EBF1: variants seen among roughly 807,000 people sequenced by gnomAD.
EBF1 encodes EBF transcription factor 1, also known as transcription factor COE1.
EBF1 carries 10 observed loss-of-function variants against 68.4 expected under a neutral mutation model. The ratio of observed to expected loss-of-function variants is 0.15; its 90% CI spans 0.09 to 0.25. The LOEUF (loss-of-function observed/expected upper bound fraction) is 0.25. Ranked by LOEUF, EBF1 falls within the 10% of genes least tolerant of loss-of-function variation. The pLI, the probability that EBF1 is intolerant of heterozygous loss-of-function variation, is 1.00. For missense variants in EBF1, 509 were observed against 794.4 expected (o/e 0.64, Z 4.32); for synonymous variants, 298 against 299.8 (o/e 0.99, Z 0.06).
At chr5:158,921,339 C>T (rs1318364317) in intron 6 of EBF1, among the ~76,000 whole-genome samples, 1 of 152,142 alleles carries the variant, frequency 6.6e-6, no homozygotes, top group Admixed American at 6.5e-5. Context: ...TAATACACTG[C>T]CTTAATAGCT....
At chr5:158,814,956 A>G (rs1050065779) in intron 8 of EBF1, among the ~76,000 whole-genome samples, 1 of 152,216 alleles carries the variant, frequency 6.6e-6, no homozygotes, top group African/African-American at 2.4e-5. Flanking sequence ...CCCATTTTTT[A>G]AAAAGATATG....
At chr5:158,921,245 C>T (rs1456362893) in intron 6 of EBF1, among the ~76,000 whole-genome samples, 1 of 152,208 alleles carries the variant, frequency 6.6e-6, no homozygotes, top group Non-Finnish European at 1.5e-5. Context: ...CTTAACAGGA[C>T]AGCCAGCACA....
rs555514976 is a variant in EBF1, at chr5:158,862,767, T to A, written c.555-22657A>T. On this transcript the variant is annotated intron_variant, in intron 6 of 15. Transcript: ENST00000313708. ...TGCATCCTTTGCAAAGTGGACACCA[T>A]ATTGTGAACTTAGGCTTTAAGGAAA... Among the ~76,000 whole-genome samples the A allele has an allele frequency of 1.1e-4, 16 of 152,302 alleles. No homozygotes were observed. In the East Asian group the frequency reaches 2.9e-3, roughly 28 times the overall value.
chr5:158,701,884 T>C (rs766473428), intron 15 of EBF1, among the ~76,000 whole-genome samples: 2 of 152,196 alleles, frequency 1.3e-5, no homozygotes, highest in African/African-American at 2.4e-5. Flanking sequence ...ATGGGAGCTA[T>C]GGAACCTCTC....
In EBF1 at chr5:158,822,308, G is replaced by GGATA. The variant is rs1491371817; in HGVS notation, c.778+867_778+868insTATC. Among the ~76,000 whole-genome samples the GGATA allele has an allele frequency of 8.0e-4, 105 of 131,114 alleles. 2 individuals carry two copies. The highest frequency in any genetic ancestry group is 2.8e-3 in the African/African-American group (100 of 35,276). 86.0% of individuals were successfully genotyped at this position (131,114 alleles called of 152,430 possible). A position where few individuals can be genotyped will look rare whatever the true frequency, so the allele number is the denominator to read the frequency against. ...TGGATGGATGGATGGATGGATGGATGGATGGATAGATGGATAGATGGATAG... is the reference window on the plus strand; with the variant it reads ...TGGATGGATGGATGGATGGATGGATGGATAGATGGATAGATGGATAGATGGATAG... On this transcript the variant is annotated intron_variant, in intron 8 of 15. Transcript: ENST00000313708.
Position 159,084,728 on chromosome 5 carries a change from A to G in EBF1, c.423T>C (p.Tyr141=). ...TTTCTGGGTTCTTGTCTTGGCCTTC[A>G]TACACTATGGCCTAAAAGCAAAAGC... ...IDSMTKQAIV[Y]EGQDKNPEMC... The change falls in exon 5 of 16, where the codon TAT becomes TAC. Residue 141 remains tyrosine (Y), a synonymous_variant. Coordinates refer to ENST00000313708, the MANE Select transcript of EBF1 (RefSeq NM_024007.5). 1 of 1,599,734 alleles carries G rather than the reference A, an allele frequency of 6.3e-7. No homozygotes were observed. The highest frequency in any genetic ancestry group is 1.3e-5 in the African/African-American group (1 of 74,546).
chr5:158,850,316 T>C (rs1158014022), intron 6 of EBF1, among the ~76,000 whole-genome samples: 3 of 152,216 alleles, frequency 2.0e-5, no homozygotes, highest in Admixed American at 1.3e-4. Context: ...ATTTATTCAT[T>C]CAGTCTGTCC....
intron 10 of EBF1, among the ~76,000 whole-genome samples, chr5:158,775,745 A>AACACACACACACACACACACAC (rs3220206): frequency 7.3e-6 from 1 of 137,638 alleles, no homozygotes; most frequent in Admixed American, 7.3e-5. Context: ...AGACTTGTAA[A>AACACACACACACACACACACAC]ACACACACAC....
intron 6 of EBF1, among the ~76,000 whole-genome samples, chr5:158,920,329 G>A (rs1050581990): frequency 6.6e-6 from 1 of 152,138 alleles, no homozygotes; most frequent in African/African-American, 2.4e-5. Flanking sequence ...GATTTGTCTG[G>A]TCCCCAAACC....
chr5:158,997,308 G>A (rs891789476), intron 6 of EBF1, among the ~76,000 whole-genome samples: 1 of 152,142 alleles, frequency 6.6e-6, no homozygotes, highest in Non-Finnish European at 1.5e-5. Context: ...GAGGCCAGGC[G>A]GAGGACCCTT....
intron 5 of EBF1, 121 bp from the exon 6 acceptor site, chr5:159,073,585 G>T: frequency 2.0e-6 from 2 of 1,002,884 alleles, no homozygotes; most frequent in Non-Finnish European, 1.5e-6. Flanking sequence ...GCCATACCTG[G>T]CAATCAACGG....
At chr5:158,922,193 T>A (rs1808583004) in intron 6 of EBF1, among the ~76,000 whole-genome samples, 1 of 152,228 alleles carries the variant, frequency 6.6e-6, no homozygotes, top group Admixed American at 6.5e-5. Context: ...GATTCATACC[T>A]TCTTCCCATC....
chr5:158,812,706 C>T (rs2127802170), intron 8 of EBF1, among the ~76,000 whole-genome samples: 1 of 152,168 alleles, frequency 6.6e-6, no homozygotes. Context: ...GGCGATCCTG[C>T]CCTTGACAAC....
At chr5:158,803,422 C>T (rs1041820823) in intron 8 of EBF1, among the ~76,000 whole-genome samples, 11 of 148,948 alleles carry the variant, frequency 7.4e-5, no homozygotes, top group Non-Finnish European at 4.4e-5. Context: ...TACAACCTGC[C>T]TTCTTTGATC....
intron 6 of EBF1, among the ~76,000 whole-genome samples, chr5:158,871,953 G>T (rs777040876): frequency 6.6e-6 from 1 of 152,242 alleles, no homozygotes; most frequent in African/African-American, 2.4e-5. Flanking sequence ...AAGAAGGCAG[G>T]TAGTTACCAC....
chr5:158,733,973 C>T (rs1366732004), intron 10 of EBF1, among the ~76,000 whole-genome samples: 1 of 152,094 alleles, frequency 6.6e-6, no homozygotes, highest in Non-Finnish European at 1.5e-5. Context: ...ATATATTAAA[C>T]ATCTGGGAAG....
intron 4 of EBF1, among the ~76,000 whole-genome samples, chr5:159,087,168 T>A (rs1234015113): frequency 6.6e-6 from 1 of 151,544 alleles, no homozygotes; most frequent in African/African-American, 2.4e-5. Context: ...GTTCCACCAC[T>A]CTTTAAAAAA....
At chr5:158,927,050 G>A (rs1809851879) in intron 6 of EBF1, among the ~76,000 whole-genome samples, 1 of 152,210 alleles carries the variant, frequency 6.6e-6, no homozygotes. Flanking sequence ...ATTTAAGGTG[G>A]CTTCACCCCA....
intron 10 of EBF1, among the ~76,000 whole-genome samples, chr5:158,745,623 T>C (rs1767393380): frequency 6.6e-6 from 1 of 152,220 alleles, no homozygotes; most frequent in African/African-American, 2.4e-5. Context: ...CCAAAGGCTT[T>C]CATAATCTCA....
Sources: gnomAD v4.1 joint callset for allele counts (sites outside exome capture counted in the v4.1 genomes callset) on GRCh38, gnomAD v4.1.1 for gene constraint, MANE v1.5 for transcripts, NCBI Gene and HGNC (gene_info 2026-07-23, HGNC 2026-07-21) for gene names.